C1orf105: variants seen among roughly 807,000 people sequenced by gnomAD.
C1orf105 encodes uncharacterized protein C1orf105.
C1orf105 carries 17 observed loss-of-function variants against 20.8 expected under a neutral mutation model. That is an observed-to-expected ratio of 0.82 (90% confidence interval 0.56 to 1.23). C1orf105 has a LOEUF of 1.23. Among genes scored for constraint, C1orf105 ranks in the 50% most tolerant of loss-of-function variants. C1orf105 has a pLI of 0.00. For synonymous variants in C1orf105, 72 were observed against 72.1 expected (o/e 1.00, Z 0.01); for missense variants, 219 against 213.5 (o/e 1.03, Z -0.16).
At chr1:172,457,678 C>A (rs1489728200) in intron 4 of C1orf105, among the ~76,000 whole-genome samples, 1 of 152,232 alleles carries the variant, frequency 6.6e-6, no homozygotes, top group African/African-American at 2.4e-5. Flanking sequence ...CAGGCCTAAG[C>A]TGGCCTTGGC....
chr1:172,428,383 TA>T (rs2071777513), intron 1 of C1orf105, among the ~76,000 whole-genome samples: 1 of 152,182 alleles, frequency 6.6e-6, no homozygotes, highest in Non-Finnish European at 1.5e-5. Flanking sequence ...TATCTCAGAG[TA>T]AAAGCCTAAG....
At chr1:172,444,653 T>C (rs1279676082) in intron 1 of C1orf105, among the ~76,000 whole-genome samples, 1 of 152,240 alleles carries the variant, frequency 6.6e-6, no homozygotes, top group African/African-American at 2.4e-5. Flanking sequence ...TCCAGTTGTC[T>C]ATAGCTTCAA....
chr1:172,424,881 G>GAC, intron 1 of C1orf105, among the ~76,000 whole-genome samples: 2 of 152,042 alleles, frequency 1.3e-5, no homozygotes, highest in Admixed American at 1.3e-4. Context: ...GGCCCACAGT[G>GAC]TTCTCACTGA....
intron 5 of C1orf105, among the ~76,000 whole-genome samples, chr1:172,462,707 T>C (rs1315265157): frequency 2.0e-5 from 3 of 152,332 alleles, no homozygotes; most frequent in South Asian, 2.1e-4. Context: ...AGATCGAGTA[T>C]AACAGATATA....
intron 1 of C1orf105, among the ~76,000 whole-genome samples, chr1:172,435,025 C>T (rs1450622490): frequency 6.6e-6 from 1 of 152,156 alleles, no homozygotes; most frequent in Non-Finnish European, 1.5e-5. Context: ...TGGACACATA[C>T]ACCCTCCCAC....
intron 1 of C1orf105, among the ~76,000 whole-genome samples, chr1:172,429,161 TC>T (rs2071797664): frequency 6.6e-6 from 1 of 152,096 alleles, no homozygotes; most frequent in East Asian, 1.9e-4. Flanking sequence ...TGAGTCTCAG[TC>T]TCAACTGTGA....
intron 1 of C1orf105, among the ~76,000 whole-genome samples, chr1:172,427,824 C>A (rs528328799): frequency 3.9e-5 from 6 of 152,272 alleles, no homozygotes; most frequent in African/African-American, 9.6e-5. Flanking sequence ...CTGTCTATAA[C>A]CATTTCCTTG....
chr1:172,461,126 G>A (rs1649662682), intron 4 of C1orf105, among the ~76,000 whole-genome samples: 1 of 152,144 alleles, frequency 6.6e-6, no homozygotes, highest in Admixed American at 6.5e-5. Context: ...TCTTACTAAA[G>A]CCTTGGCTGC....
intron 1 of C1orf105, chr1:172,444,039 T>A: frequency 1.0e-6 from 1 of 999,924 alleles, no homozygotes; most frequent in Non-Finnish European, 1.2e-6. Context: ...CCAGCCTTTT[T>A]CCCGCTTCGG....
intron 1 of C1orf105, among the ~76,000 whole-genome samples, chr1:172,434,431 A>C (rs1412126510): frequency 6.6e-6 from 1 of 152,242 alleles, no homozygotes; most frequent in Non-Finnish European, 1.5e-5. Flanking sequence ...ATCAAATTAG[A>C]ACTCAGGATT....
intron 1 of C1orf105, among the ~76,000 whole-genome samples, chr1:172,426,928 T>C (rs1009055566): frequency 5.3e-5 from 8 of 152,220 alleles, no homozygotes; most frequent in Admixed American, 2.6e-4. Flanking sequence ...CTACCTACTC[T>C]GGTTTGCACC....
intron 2 of C1orf105, among the ~76,000 whole-genome samples, chr1:172,447,055 T>C (rs931040638): frequency 2.0e-5 from 3 of 152,186 alleles, no homozygotes; most frequent in Non-Finnish European, 2.9e-5. Context: ...ATGAAAAGTC[T>C]TTTGAAAGGA....
At chr1:172,444,341 C>T in intron 1 of C1orf105, 1 of 977,036 alleles carries the variant, frequency 1.0e-6, no homozygotes, top group Non-Finnish European at 1.2e-6. Context: ...AGATAATGGC[C>T]GCTTTTGTTG....
At chr1:172,422,702 C>G (rs2071621337) in intron 1 of C1orf105, among the ~76,000 whole-genome samples, 1 of 151,912 alleles carries the variant, frequency 6.6e-6, no homozygotes, top group South Asian at 2.1e-4. Context: ...GATTCCAGTC[C>G]TTGGCTCTTG....
At chr1:172,458,540 G>A (rs1649476457) in intron 4 of C1orf105, among the ~76,000 whole-genome samples, 1 of 152,084 alleles carries the variant, frequency 6.6e-6, no homozygotes, top group Admixed American at 6.6e-5. Context: ...ATTGTGGAAA[G>A]AAAATTTAAA....
chr1:172,423,811 AATGCCATTGACATACTGAAGG>A (rs1183543132), intron 1 of C1orf105, among the ~76,000 whole-genome samples: 4 of 152,000 alleles, frequency 2.6e-5, no homozygotes, highest in African/African-American at 9.7e-5. Context: ...GGAGTTGAAA[AATGCCATTGACATACTGAAGG>A]ATGCATCCAT....
chr1:172,466,264 G>A (rs1367341630), intron 6 of C1orf105, among the ~76,000 whole-genome samples: 3 of 152,142 alleles, frequency 2.0e-5, no homozygotes, highest in African/African-American at 4.8e-5. Flanking sequence ...ATATCCACTC[G>A]AGTGGAGTGA....
rs58520596 is a variant in C1orf105 at position 172,438,541 on chromosome 1, A to T, written c.22-6532A>T. Among the ~76,000 whole-genome samples the T allele has an allele frequency of 4.1e-3, 630 of 152,378 alleles. 4 individuals are homozygous for T. Among genetic ancestry groups the T allele is most frequent in the Middle Eastern group, 0.02 (6 of 294 alleles). On this transcript the variant is annotated intron_variant, in intron 1 of 6. Coordinates refer to ENST00000367727, the MANE Select transcript of C1orf105 (RefSeq NM_139240.4). The stretch of plus-strand genomic sequence containing the variant: ...ATAGAACTGAAGAGATAAGAAATTG[A>T]TTACTATGAGTAGCAAGAAAAGTGG...
rs1232792116 is a variant in C1orf105, at chr1:172,452,430, C to A, written c.198+3899C>A. Among the ~76,000 whole-genome samples the A allele has an allele frequency of 3.3e-5, 5 of 152,302 alleles. No individual in the cohort carries two copies. The East Asian group carries it at 9.7e-4, about 29-fold the overall frequency. ...GGACAGAGGCAAATGTGTCAGTACTCCTCACAGGGTGCTTGTGAAGCCTGT... is the reference window on the plus strand; with the variant it reads ...GGACAGAGGCAAATGTGTCAGTACTACTCACAGGGTGCTTGTGAAGCCTGT... On this transcript the variant is annotated intron_variant, in intron 3 of 6. Coordinates refer to ENST00000367727, the MANE Select transcript of C1orf105 (RefSeq NM_139240.4).
Sources: allele counts gnomAD v4.1 joint callset (sites outside exome capture counted in the v4.1 genomes callset), GRCh38; gene constraint gnomAD v4.1.1; transcripts MANE v1.5; gene names NCBI Gene and HGNC (gene_info 2026-07-23, HGNC 2026-07-21).